Variants in NEGR1 observed in about 807,000 individuals in gnomAD.
NEGR1 encodes the protein neuronal growth regulator 1.
NEGR1 carries 10 observed loss-of-function variants against 40.9 expected under a neutral mutation model. The observed-to-expected ratio is 0.24, with a 90% CI of 0.15 to 0.42. The LOEUF is 0.42. NEGR1 is among the 10% of genes least tolerant of loss of function. The pLI is 1.00. For synonymous variants in NEGR1, 185 were observed against 166.8 expected, an observed-to-expected ratio of 1.11 and a Z score of -0.84; for missense variants, 352 against 438.9, an observed-to-expected ratio of 0.80 and a Z score of 1.77.
chr1:72,116,383 C>T (rs536053219), intron 1 of NEGR1, among the ~76,000 whole-genome samples: 1 of 151,802 alleles, frequency 6.6e-6, no homozygotes, highest in East Asian at 1.9e-4. Flanking sequence ...AAAAGAATTG[C>T]TTTGTGAAGC....
chr1:72,076,998 G>A (rs9633292), intron 1 of NEGR1, among the ~76,000 whole-genome samples: 11,661 of 146,936 alleles, frequency 0.079, 615 homozygotes, highest in East Asian at 0.28. Context: ...GGGTTCAAGT[G>A]ATTCTCCTGC....
chr1:71,926,216 T>C (rs1462583781), intron 2 of NEGR1, among the ~76,000 whole-genome samples: 1 of 152,166 alleles, frequency 6.6e-6, no homozygotes, highest in East Asian at 1.9e-4. Flanking sequence ...GGACTGTGTG[T>C]TATCAAAAAC....
intron 5 of NEGR1, among the ~76,000 whole-genome samples, chr1:71,603,028 A>G (rs1303592898): frequency 6.6e-6 from 1 of 152,256 alleles, no homozygotes; most frequent in Non-Finnish European, 1.5e-5. Context: ...AATAAATAAA[A>G]TAATAAACAA....
chr1:71,448,546 CAG>C (rs1326409627), intron 6 of NEGR1, among the ~76,000 whole-genome samples: 1 of 152,124 alleles, frequency 6.6e-6, no homozygotes, highest in Non-Finnish European at 1.5e-5. Context: ...TTGCAATGAG[CAG>C]AGATTGCACC....
At chr1:72,268,986 C>T (rs1293151406) in intron 1 of NEGR1, among the ~76,000 whole-genome samples, 2 of 151,526 alleles carry the variant, frequency 1.3e-5, no homozygotes, top group African/African-American at 4.8e-5. Flanking sequence ...AAAATTTACA[C>T]TTCTCTTGGG....
intron 1 of NEGR1, among the ~76,000 whole-genome samples, chr1:71,993,134 G>A (rs1410545261): frequency 6.6e-6 from 1 of 152,190 alleles, no homozygotes; most frequent in Non-Finnish European, 1.5e-5. Flanking sequence ...CAAATTTGGA[G>A]TGGATAACTT....
intron 1 of NEGR1, among the ~76,000 whole-genome samples, chr1:72,204,077 A>C (rs1426086002): frequency 6.6e-6 from 1 of 152,056 alleles, no homozygotes; most frequent in Non-Finnish European, 1.5e-5. Flanking sequence ...AACCATGCCC[A>C]CAATATTTCC....
chr1:72,156,831 T>C (rs770303812), intron 1 of NEGR1, among the ~76,000 whole-genome samples: 28 of 152,182 alleles, frequency 1.8e-4, no homozygotes, highest in Non-Finnish European at 3.4e-4. Flanking sequence ...TGTCTGCTTT[T>C]TAAATATAAG....
intron 1 of NEGR1, among the ~76,000 whole-genome samples, chr1:72,136,182 G>C (rs1390814707): frequency 1.3e-5 from 2 of 152,050 alleles, no homozygotes; most frequent in Non-Finnish European, 2.9e-5. Context: ...AATCAAAATT[G>C]ACTCTGAAAT....
At chr1:71,741,443 A>G (rs1450197452) in intron 3 of NEGR1, among the ~76,000 whole-genome samples, 1 of 152,022 alleles carries the variant, frequency 6.6e-6, no homozygotes, top group Non-Finnish European at 1.5e-5. Context: ...TGTTTAATTT[A>G]TGTTTCAGTT....
intron 6 of NEGR1, among the ~76,000 whole-genome samples, chr1:71,474,717 C>CAAAAAAAAAAAAAAAAAAAAAAAAAAAA (rs56219737): frequency 2.3e-5 from 2 of 86,034 alleles, no homozygotes; most frequent in Non-Finnish European, 4.4e-5. Context: ...GACTCTATCT[C>CAAAAAAAAAAAAAAAAAAAAAAAAAAAA]AAAAAAAAAA....
chr1:72,172,307 G>A (rs1051959727), intron 1 of NEGR1, among the ~76,000 whole-genome samples: 5 of 151,922 alleles, frequency 3.3e-5, no homozygotes, highest in African/African-American at 1.2e-4. Flanking sequence ...CACCATTGTT[G>A]GCAGCTACTT....
At chr1:71,592,738 C>A (rs775814254) in intron 6 of NEGR1, 79 bp downstream of exon 6, 162 of 1,107,710 alleles carry the variant, frequency 1.5e-4, no homozygotes, top group Non-Finnish European at 2.0e-4. Context: ...GAACGTACTC[C>A]ATTCTTAGGT....
intron 1 of NEGR1, among the ~76,000 whole-genome samples, chr1:72,082,955 T>C (rs1648065272): frequency 6.6e-6 from 1 of 152,148 alleles, no homozygotes; most frequent in Non-Finnish European, 1.5e-5. Flanking sequence ...AGTGTATGTC[T>C]TACCATTGTT....
At chr1:71,450,811 G>C (rs1253155821) in intron 6 of NEGR1, among the ~76,000 whole-genome samples, 1 of 150,176 alleles carries the variant, frequency 6.7e-6, no homozygotes, top group Non-Finnish European at 1.5e-5. Context: ...TCGGTCTCAG[G>C]GAAAAAAAGA....
intron 2 of NEGR1, among the ~76,000 whole-genome samples, chr1:71,839,783 A>C (rs964353985): frequency 1.3e-5 from 2 of 152,074 alleles, no homozygotes; most frequent in African/African-American, 4.8e-5. Flanking sequence ...TTCTGAAAAG[A>C]TTTTACTATG....
intron 1 of NEGR1, among the ~76,000 whole-genome samples, chr1:72,008,562 G>T (rs1328479349): frequency 6.6e-6 from 1 of 152,062 alleles, no homozygotes; most frequent in Non-Finnish European, 1.5e-5. Context: ...TATGTAAAGA[G>T]CTTGCTACAG....
chr1:72,226,253 A>T (rs1442757329), intron 1 of NEGR1, among the ~76,000 whole-genome samples: 2 of 151,970 alleles, frequency 1.3e-5, no homozygotes, highest in Admixed American at 1.3e-4. Context: ...ATCATATTAC[A>T]CAATGTTACT....
intron 6 of NEGR1, among the ~76,000 whole-genome samples, chr1:71,575,388 A>G (rs999260602): frequency 2.0e-5 from 3 of 152,232 alleles, no homozygotes; most frequent in African/African-American, 7.2e-5. Context: ...CAACCACAGC[A>G]GTTCAGATTT....
Sources: gnomAD v4.1 joint callset for allele counts (sites outside exome capture counted in the v4.1 genomes callset) on GRCh38, gnomAD v4.1.1 for gene constraint, MANE v1.5 for transcripts, NCBI Gene and HGNC (gene_info 2026-07-23, HGNC 2026-07-21) for gene names.